SCYL3: variants seen among roughly 807,000 people sequenced by gnomAD.
The protein encoded by SCYL3 is SCY1 like pseudokinase 3.
Under a neutral mutation model 73.8 loss-of-function variants are expected in SCYL3, and 35 were observed. The ratio of observed to expected loss-of-function variants is 0.47; its 90% CI spans 0.36 to 0.63. The LOEUF is 0.63. SCYL3 is among the 20% of genes least tolerant of loss of function. The pLI is 0.00. For synonymous variants in SCYL3, 277 were observed against 295.2 expected (o/e 0.94, Z 0.63); for missense variants, 712 against 798.9 (o/e 0.89, Z 1.31).
chr1:169,893,024 G>A (rs1662193309), intron 1 of SCYL3, among the ~76,000 whole-genome samples: 2 of 152,212 alleles, frequency 1.3e-5, no homozygotes, highest in Middle Eastern at 3.4e-3. Context: ...TCCCTCTGCG[G>A]AACTCAGTCC....
At position 169,852,971 on chromosome 1, in the gene SCYL3, T is replaced by C; in HGVS notation, c.*742A>G. On this transcript the variant is annotated 3_prime_UTR_variant, in exon 13 of 13. Coordinates refer to ENST00000367771, the MANE Select transcript of SCYL3 (RefSeq NM_020423.7). ...AGGATGGATAAGCTAAAACGTTACA[T>C]ACATACTCTAGGGTGAAACTTATCA... 6.2e-7 allele frequency: 1 copy of C among 1,614,006 alleles called. No homozygotes were observed.
chr1:169,891,056 G>C (rs999255590), intron 1 of SCYL3, among the ~76,000 whole-genome samples: 1 of 152,152 alleles, frequency 6.6e-6, no homozygotes, highest in Non-Finnish European at 1.5e-5. Flanking sequence ...TCACAAATTA[G>C]CCATCAATTT....
intron 5 of SCYL3, among the ~76,000 whole-genome samples, chr1:169,873,006 G>A (rs2102176948): frequency 6.6e-6 from 1 of 152,138 alleles, no homozygotes; most frequent in East Asian, 1.9e-4. Flanking sequence ...GAAGACTTTG[G>A]GGGACTGTTG....
rs560942004 is a variant in SCYL3, at chr1:169,852,002, C to A, written c.*1711G>T. On this transcript the variant is annotated 3_prime_UTR_variant, in exon 13 of 13. Coordinates refer to ENST00000367771, the MANE Select transcript of SCYL3 (RefSeq NM_020423.7). ...AAATTCTGCCCTTTTTACTTACTGACGAAACAAACCAGTGTGGTTTCCAGC... is the reference window on the plus strand; with the variant it reads ...AAATTCTGCCCTTTTTACTTACTGAAGAAACAAACCAGTGTGGTTTCCAGC... The A allele has an allele frequency of 4.8e-5, 77 of 1,606,392 alleles. No individual in the cohort carries two copies. Among genetic ancestry groups the A allele is most frequent in the Non-Finnish European group, 6.1e-5 (72 of 1,174,640 alleles).
chr1:169,856,532 G>C (rs191415056), intron 11 of SCYL3, among the ~76,000 whole-genome samples: 109 of 152,246 alleles, frequency 7.2e-4, no homozygotes, highest in Admixed American at 1.5e-3. Flanking sequence ...GTGGGGAATA[G>C]CCTGGGGTAA....
chr1:169,853,583 G>T lies in SCYL3; in HGVS notation c.*130C>A. On this transcript the variant is annotated 3_prime_UTR_variant, in exon 13 of 13. Coordinates refer to ENST00000367771, the MANE Select transcript of SCYL3 (RefSeq NM_020423.7). ...CTCCTACTTCAGTTGGCACAGACTG[G>T]ATAATGAGCTCCTGGGATGGGAAAA... 1 of 926,838 alleles carries T rather than the reference G, an allele frequency of 1.1e-6. No individual in the cohort carries two copies. The highest frequency in any genetic ancestry group is 1.5e-5 in the South Asian group (1 of 64,634). 57.4% of individuals were successfully genotyped at this position (926,838 alleles called of 1,614,324 possible). A position where few individuals can be genotyped will look rare whatever the true frequency, so the allele number is the denominator to read the frequency against.
In SCYL3 at chr1:169,851,169, G is replaced by A. The variant is rs1658266512; in HGVS notation, c.*2544C>T. Reference sequence around the variant, plus strand: ...AGGTTCCTATGTCTATGCATACTTGGGAACTTAGTGTGAGGAAATAATAGT... The same window carrying A: ...AGGTTCCTATGTCTATGCATACTTGAGAACTTAGTGTGAGGAAATAATAGT... On this transcript the variant is annotated 3_prime_UTR_variant, in exon 13 of 13. Coordinates refer to ENST00000367771, the MANE Select transcript of SCYL3 (RefSeq NM_020423.7). The A allele has an allele frequency of 6.7e-6, 1 of 150,232 alleles. No individual in the cohort carries two copies. Among genetic ancestry groups the A allele is most frequent in the South Asian group, 2.1e-4 (1 of 4,664 alleles). The allele number at this position is 150,232 out of a possible 1,614,324, so 9.3% of individuals were successfully genotyped here.
At chr1:169,859,237 G>T (rs1212540973) in intron 10 of SCYL3, 25 bp from the exon 11 acceptor site, 5 of 1,594,294 alleles carry the variant, frequency 3.1e-6, no homozygotes, top group Admixed American at 3.6e-5. Context: ...GGTAATAAGG[G>T]TTGACAACCA....
intron 2 of SCYL3, among the ~76,000 whole-genome samples, chr1:169,885,558 C>T (rs975652326): frequency 1.3e-5 from 2 of 151,904 alleles, no homozygotes; most frequent in African/African-American, 4.8e-5. Context: ...AAATATTATT[C>T]CTTTTTCTCT....
Position 169,870,293 on chromosome 1 carries a change from G to A in SCYL3, c.587C>T (p.Thr196Ile), listed in dbSNP as rs1660304471. The A allele has an allele frequency of 1.2e-6, 2 of 1,613,730 alleles. No homozygotes were observed. Among genetic ancestry groups the A allele is most frequent in the African/African-American group, 1.3e-5 (1 of 75,036 alleles). Residue 196 changes from threonine to isoleucine, a missense_variant, in exon 6 of 13, where the codon ACA becomes ATA. By Grantham distance (89) the Thr-to-Ile change is moderately conservative (BLOSUM62 -1). Coordinates refer to ENST00000367771, the MANE Select transcript of SCYL3 (RefSeq NM_020423.7). ...GHARDAFSFG[T>I]LVESLLTILN... Reference sequence around the variant, plus strand: ...GATTGTGAGCAAACTTTCCACCAATGTTCCAAATGAAAAGGCATCCCGGGC... The same window carrying A: ...GATTGTGAGCAAACTTTCCACCAATATTCCAAATGAAAAGGCATCCCGGGC...
intron 7 of SCYL3, 77 bp downstream of exon 7, chr1:169,868,851 C>T: frequency 1.0e-6 from 1 of 999,418 alleles, no homozygotes; most frequent in Non-Finnish European, 1.5e-6. Context: ...AAACCCCCCA[C>T]TGCCACTTAT....
intron 10 of SCYL3, 32 bp downstream of exon 10, chr1:169,862,579 CTG>C (rs1218956000): frequency 6.2e-7 from 1 of 1,609,980 alleles, no homozygotes; most frequent in African/African-American, 1.3e-5. Context: ...CCCTCAGGTT[CTG>C]TGACTACCCC....
Position 169,851,684 on chromosome 1 carries a change from T to A in SCYL3, c.*2029A>T. On this transcript the variant is annotated 3_prime_UTR_variant, in exon 13 of 13. Transcript: ENST00000367771. ...ATCCAGATTATACTAAGAGTATTTA[T>A]AGATCAGTCCATGTGACTTCCAGAA... 1.0e-6 allele frequency: 1 copy of A among 971,680 alleles called. No homozygotes were observed. The highest frequency in any genetic ancestry group is 1.6e-5 in the South Asian group (1 of 61,036). The allele number at this position is 971,680 out of a possible 1,614,324, so 60.2% of individuals were successfully genotyped here.
intron 10 of SCYL3, among the ~76,000 whole-genome samples, chr1:169,862,001 A>G (rs953135221): frequency 6.6e-6 from 1 of 152,228 alleles, no homozygotes; most frequent in Non-Finnish European, 1.5e-5. Flanking sequence ...GGGAGCTACG[A>G]GAAGCTTGTA....
chr1:169,875,959 G>C lies in SCYL3; in HGVS notation c.465+19C>G. On this transcript the variant is annotated intron_variant, in intron 4 of 12. Coordinates refer to ENST00000367771, the MANE Select transcript of SCYL3 (RefSeq NM_020423.7). ...CTATTAAAAACCAAGTAAGGAAGGGGGGCTGTCCCCTGGCTTACCTCTGGT... is the reference window on the plus strand; with the variant it reads ...CTATTAAAAACCAAGTAAGGAAGGGCGGCTGTCCCCTGGCTTACCTCTGGT... The C allele has an allele frequency of 6.5e-7, 1 of 1,529,460 alleles. No homozygotes were observed. Among genetic ancestry groups the C allele is most frequent in the Non-Finnish European group, 9.0e-7 (1 of 1,115,348 alleles). The allele number at this position is 1,529,460 out of a possible 1,614,324, so 94.7% of individuals were successfully genotyped here.
intron 2 of SCYL3, among the ~76,000 whole-genome samples, chr1:169,886,037 G>A (rs1003881475): frequency 2.6e-5 from 4 of 152,196 alleles, no homozygotes; most frequent in Admixed American, 2.0e-4. Flanking sequence ...CATGGGCCAG[G>A]TACGGTGGCT....
At position 169,878,687 on chromosome 1, in the gene SCYL3, C is replaced by A; in HGVS notation, c.298G>T (p.Val100Phe). The A allele has an allele frequency of 6.2e-7, 1 of 1,614,184 alleles. No homozygotes were observed. The highest frequency in any genetic ancestry group is 8.5e-7 in the Non-Finnish European group (1 of 1,180,040). The change falls in exon 3 of 13, where the codon GTC becomes TTC. Residue 100 changes from valine to phenylalanine, a missense_variant. By Grantham distance (50) the Val-to-Phe change is conservative. Around this residue, in one of 2 missense-constraint regions of SCYL3, gnomAD observed 342 missense variants for 448.1 expected, o/e 0.76. Transcript: ENST00000367771. Reference sequence around the variant, plus strand: ...AATATGTCATAGATCCCAGCACAGACCTCTGCAGAAGACAATGTTTCCAAA... The same window carrying A: ...AATATGTCATAGATCCCAGCACAGAACTCTGCAGAAGACAATGTTTCCAAA... ...VALETLSSAE[V>F]CAGIYDILLA...
intron 2 of SCYL3, among the ~76,000 whole-genome samples, chr1:169,885,744 G>T (rs1256620465): frequency 6.6e-6 from 1 of 152,162 alleles, no homozygotes; most frequent in African/African-American, 2.4e-5. Flanking sequence ...TGTTCAATAG[G>T]TAAGTGAAAA....
intron 2 of SCYL3, among the ~76,000 whole-genome samples, chr1:169,887,704 G>A (rs1284347595): frequency 6.6e-6 from 1 of 152,078 alleles, no homozygotes; most frequent in Non-Finnish European, 1.5e-5. Context: ...TTACCACCAC[G>A]CATCTCGAGA....
Sources: gnomAD v4.1 joint callset for allele counts (sites outside exome capture counted in the v4.1 genomes callset) on GRCh38, gnomAD v4.1.1 for gene constraint, gnomAD v4.1.1 regional missense constraint, MANE v1.5 for transcripts, NCBI Gene and HGNC (gene_info 2026-07-23, HGNC 2026-07-21) for gene names.